Variants in GRID1 observed in about 807,000 individuals in gnomAD.
The protein encoded by GRID1 is glutamate receptor ionotropic, delta-1.
A neutral mutation model predicts 98.0 loss-of-function variants in GRID1; 28 were observed. The observed-to-expected ratio is 0.29, with a 90% CI of 0.21 to 0.39. The LOEUF (loss-of-function observed/expected upper bound fraction) is 0.39, where lower values mean the gene tolerates loss of function less well. GRID1 is among the 10% of genes least tolerant of loss of function. The probability of loss-of-function intolerance (pLI) is 1.00; values close to 1 mark genes in which losing one functional copy is unlikely to be tolerated. For synonymous variants in GRID1, 553 were observed against 538.5 expected, an observed-to-expected ratio of 1.03 and a Z score of -0.37; for missense variants, 1,111 against 1,340.5, an observed-to-expected ratio of 0.83 and a Z score of 2.67.
chr10:86,048,599 G>A (rs1270246145), intron 4 of GRID1, among the ~76,000 whole-genome samples: 1 of 152,194 alleles, frequency 6.6e-6, no homozygotes, highest in Non-Finnish European at 1.5e-5. Context: ...GAGGCTCATG[G>A]CAACACTCCC....
At position 85,647,252 on chromosome 10, in the gene GRID1, T is replaced by C. The variant is rs746860227; in HGVS notation, c.2143A>G (p.Asn715Asp). ...GACACGCAGTTGTCAGCCCCTCCGT[T>C]CTTGCTGATGGTCCGCCAGAGTTCA... is the stretch of plus-strand genomic sequence containing the variant. ...FAELWRTISK[N>D]GGADNCVSSP... The change falls in exon 13 of 16, where the codon AAC (asparagine) becomes GAC (aspartate). Residue 715 changes from asparagine (N) to aspartate (D), a missense_variant. By Grantham distance (23) the Asn-to-Asp change is conservative. Around this residue, in one of 3 missense-constraint regions of GRID1, gnomAD observed 762 missense variants for 869.1 expected, o/e 0.88. Coordinates refer to ENST00000327946, the MANE Select transcript of GRID1 (RefSeq NM_017551.3). The C allele has an allele frequency of 3.1e-6, 5 of 1,614,100 alleles. No individual in the cohort carries two copies. In the South Asian group the frequency reaches 4.4e-5, roughly 14 times the overall value.
intron 2 of GRID1, among the ~76,000 whole-genome samples, chr10:86,291,516 C>T (rs1847512098): frequency 6.6e-6 from 1 of 152,190 alleles, no homozygotes; most frequent in Non-Finnish European, 1.5e-5. Flanking sequence ...CCCAGGGGCA[C>T]AGCACAAGAC....
At chr10:86,155,470 A>C (rs1845231512) in intron 3 of GRID1, among the ~76,000 whole-genome samples, 1 of 152,228 alleles carries the variant, frequency 6.6e-6, no homozygotes, top group Non-Finnish European at 1.5e-5. Context: ...TCCAGTTTAG[A>C]GGGAAATGAA....
At chr10:85,732,891 C>T (rs947675533) in intron 8 of GRID1, among the ~76,000 whole-genome samples, 1 of 152,112 alleles carries the variant, frequency 6.6e-6, no homozygotes, top group Non-Finnish European at 1.5e-5. Context: ...TCCCCAAAAT[C>T]CCTCCTTCTT....
chr10:85,786,261 A>T (rs1842428184), intron 8 of GRID1, among the ~76,000 whole-genome samples: 1 of 152,140 alleles, frequency 6.6e-6, no homozygotes, highest in Non-Finnish European at 1.5e-5. Context: ...TTCACCAAGC[A>T]CTCATTAGGC....
At chr10:85,715,215 C>T (rs1340970502) in intron 12 of GRID1, among the ~76,000 whole-genome samples, 1 of 152,066 alleles carries the variant, frequency 6.6e-6, no homozygotes, top group African/African-American at 2.4e-5. Flanking sequence ...TCTTATTTCA[C>T]ACCATACACA....
intron 2 of GRID1, among the ~76,000 whole-genome samples, chr10:86,326,341 ATATATTTTCATG>A: frequency 6.6e-6 from 1 of 152,374 alleles, no homozygotes; most frequent in South Asian, 2.1e-4. Flanking sequence ...ACTGACAGAC[ATATATTTTCATG>A]TATAATTGCC....
chr10:85,923,550 GC>G (rs2131828538), intron 4 of GRID1, among the ~76,000 whole-genome samples: 1 of 152,206 alleles, frequency 6.6e-6, no homozygotes, highest in South Asian at 2.1e-4. Flanking sequence ...CCTGAGCTAA[GC>G]CCTCTACACA....
At chr10:85,878,711 A>C (rs1408856126) in intron 5 of GRID1, among the ~76,000 whole-genome samples, 1 of 152,194 alleles carries the variant, frequency 6.6e-6, no homozygotes, top group Non-Finnish European at 1.5e-5. Context: ...AACTGCATCA[A>C]CTAACGAGCA....
At chr10:86,233,501 C>A (rs2132037409) in intron 2 of GRID1, among the ~76,000 whole-genome samples, 1 of 152,254 alleles carries the variant, frequency 6.6e-6, no homozygotes, top group Non-Finnish European at 1.5e-5. Flanking sequence ...CATAGGTGCC[C>A]CCTTCTCCAG....
chr10:85,813,014 A>G (rs1564598077), intron 8 of GRID1, among the ~76,000 whole-genome samples: 1 of 151,788 alleles, frequency 6.6e-6, no homozygotes, highest in Non-Finnish European at 1.5e-5. Context: ...GGTGAACTTG[A>G]ATAGAACAAT....
intron 4 of GRID1, among the ~76,000 whole-genome samples, chr10:86,017,166 G>C (rs1228060058): frequency 3.3e-5 from 5 of 152,220 alleles, no homozygotes; most frequent in African/African-American, 1.2e-4. Flanking sequence ...TAAAACATTT[G>C]TTTGAGACAA....
intron 5 of GRID1, among the ~76,000 whole-genome samples, chr10:85,880,268 T>A: frequency 6.6e-6 from 1 of 152,112 alleles, no homozygotes; most frequent in Non-Finnish European, 1.5e-5. Flanking sequence ...CCTAACTCAT[T>A]TTATGAGGCC....
chr10:85,603,428 A>G (rs1842611786), intron 15 of GRID1, among the ~76,000 whole-genome samples: 1 of 152,230 alleles, frequency 6.6e-6, no homozygotes, highest in Non-Finnish European at 1.5e-5. Context: ...GTTCAAGGCT[A>G]TCTAAGTGGG....
At chr10:86,156,592 C>T (rs1845249213) in intron 3 of GRID1, among the ~76,000 whole-genome samples, 1 of 152,164 alleles carries the variant, frequency 6.6e-6, no homozygotes, top group Non-Finnish European at 1.5e-5. Flanking sequence ...CTCAGATGGC[C>T]CTGGCACTTT....
At chr10:86,138,685 T>C in intron 4 of GRID1, 134 bp downstream of exon 4, 1 of 658,432 alleles carries the variant, frequency 1.5e-6, no homozygotes, top group South Asian at 1.8e-5. Context: ...CTGAGTGCTG[T>C]GGGCCGAGCA....
At chr10:86,218,129 A>T (rs1399708914) in intron 2 of GRID1, among the ~76,000 whole-genome samples, 2 of 151,808 alleles carry the variant, frequency 1.3e-5, no homozygotes, top group Non-Finnish European at 2.9e-5. Context: ...CCTTATCATT[A>T]CTTCTGACTT....
chr10:86,043,241 C>T lies in GRID1; in HGVS notation c.726+95578G>A, dbSNP rs149654521. On this transcript the variant is annotated intron_variant, in intron 4 of 15. Coordinates refer to ENST00000327946, the MANE Select transcript of GRID1 (RefSeq NM_017551.3). ...AGGCAACCAGCCAGGGACTTTCTCC[C>T]GGAACTCTCCTCTCTACCAGCCCTT... Among the ~76,000 whole-genome samples the T allele has an allele frequency of 2.2e-3, 333 of 152,338 alleles. 1 individual carries two copies. The highest frequency in any genetic ancestry group is 7.7e-3 in the African/African-American group (322 of 41,582).
At chr10:86,355,614 C>T (rs1419981299) in intron 2 of GRID1, among the ~76,000 whole-genome samples, 1 of 152,228 alleles carries the variant, frequency 6.6e-6, no homozygotes, top group African/African-American at 2.4e-5. Flanking sequence ...ACTCTGCCCA[C>T]ACCTCAGGCC....
Sources: allele counts gnomAD v4.1 joint callset (sites outside exome capture counted in the v4.1 genomes callset), GRCh38; gene constraint gnomAD v4.1.1; regional missense constraint gnomAD v4.1.1; transcripts MANE v1.5; gene names NCBI Gene and HGNC (gene_info 2026-07-23, HGNC 2026-07-21).